The following AFF1 variants were observed in gnomAD, a reference collection of about 807,000 sequenced individuals.
The protein encoded by AFF1 is ALF transcription elongation factor 1.
AFF1 carries 48 observed loss-of-function variants against 121.7 expected under a neutral mutation model. The ratio of observed to expected loss-of-function variants is 0.39; its 90% confidence interval spans 0.31 to 0.50. The LOEUF (loss-of-function observed/expected upper bound fraction) is 0.50, where lower values mean the gene tolerates loss of function less well. Among genes scored for constraint, AFF1 ranks in the 20% least tolerant of loss-of-function variants. AFF1 has a pLI of 0.76. For missense variants in AFF1, 1,523 were observed against 1,511.7 expected (o/e 1.01, Z -0.12); for synonymous variants, 613 against 563.0 (o/e 1.09, Z -1.26).
rs1199274656 is a variant in AFF1, at chr4:87,056,620, CTT to C, written c.1059+9028_1059+9029del. Among the ~76,000 whole-genome samples, 9 of 152,156 alleles carry C rather than the reference CTT, an allele frequency of 5.9e-5. No individual in the cohort carries two copies. The East Asian group carries it at 1.4e-3, about 23-fold the overall frequency. ...CTTACAAAATGTTTTTTAAAAATAACTTTGTTTCTTTGTCATAGAAGGATTCA... is the reference window on the plus strand; with the variant it reads ...CTTACAAAATGTTTTTTAAAAATAACTGTTTCTTTGTCATAGAAGGATTCA... On this transcript the variant is annotated intron_variant, in intron 4 of 20. Coordinates refer to ENST00000395146, the MANE Select transcript of AFF1 (RefSeq NM_001166693.3).
intron 1 of AFF1, among the ~76,000 whole-genome samples, chr4:86,943,939 C>T (rs1234663175): frequency 2.1e-5 from 3 of 145,712 alleles, no homozygotes; most frequent in Non-Finnish European, 4.5e-5. Flanking sequence ...CCAGCCTGGG[C>T]AACAAGAACG....
intron 8 of AFF1, 103 bp from the exon 9 acceptor site, chr4:87,105,525 T>A (rs1725823044): frequency 7.8e-7 from 1 of 1,288,636 alleles, no homozygotes; most frequent in Non-Finnish European, 1.1e-6. Flanking sequence ...CTTACACATA[T>A]CCTCTCTCTT....
At chr4:87,094,138 TC>T (rs1290180140) in intron 7 of AFF1, among the ~76,000 whole-genome samples, 1 of 152,130 alleles carries the variant, frequency 6.6e-6, no homozygotes, top group Non-Finnish European at 1.5e-5. Context: ...ACCCTCTTCT[TC>T]TTGTTTGTTC....
chr4:86,949,121 T>C (rs1032822536), intron 2 of AFF1, among the ~76,000 whole-genome samples: 1 of 151,914 alleles, frequency 6.6e-6, no homozygotes, highest in Non-Finnish European at 1.5e-5. Context: ...GAAAGAATTG[T>C]TATCACTGAT....
intron 2 of AFF1, among the ~76,000 whole-genome samples, chr4:86,980,273 A>G (rs1438369433): frequency 2.0e-5 from 3 of 152,202 alleles, no homozygotes; most frequent in African/African-American, 7.2e-5. Flanking sequence ...AAGTCTATTC[A>G]TTACAAACTA....
rs1728782787 is a variant in AFF1, at chr4:87,131,073, TCTC to T, written c.2965-7_2965-5del. On this transcript the variant is annotated splice_region_variant and splice_polypyrimidine_tract_variant and intron_variant, in intron 16 of 20. Transcript: ENST00000395146. The stretch of plus-strand genomic sequence containing the variant: ...TTCAGCCTAACAATGACCATGTTCT[TCTC>T]CTGCAGACGGACAGGGTTGGAAAGG... 2.5e-5 allele frequency: 41 copies of T among 1,613,410 alleles called. No individual in the cohort carries two copies. The highest frequency in any genetic ancestry group is 3.1e-5 in the Non-Finnish European group (36 of 1,179,832).
chr4:87,019,131 CA>C (rs1459326722), intron 2 of AFF1, among the ~76,000 whole-genome samples: 1 of 152,178 alleles, frequency 6.6e-6, no homozygotes, highest in Non-Finnish European at 1.5e-5. Context: ...AAGGAAAACA[CA>C]GAAGTGGTGT....
At chr4:86,983,356 G>A (rs577449637) in intron 2 of AFF1, among the ~76,000 whole-genome samples, 54 of 152,012 alleles carry the variant, frequency 3.6e-4, no homozygotes, top group South Asian at 1.2e-3. Context: ...GAGAAACCTC[G>A]TCTCTACTAA....
chr4:86,969,405 G>C (rs536290246), intron 2 of AFF1, among the ~76,000 whole-genome samples: 2 of 151,944 alleles, frequency 1.3e-5, no homozygotes, highest in African/African-American at 4.8e-5. Context: ...CTTGAACCCA[G>C]GAGGCAGAGG....
intron 8 of AFF1, among the ~76,000 whole-genome samples, chr4:87,100,281 A>G (rs1725295274): frequency 6.6e-6 from 1 of 152,184 alleles, no homozygotes; most frequent in Non-Finnish European, 1.5e-5. Context: ...TTTCACAAGC[A>G]TATTAACATT....
intron 4 of AFF1, among the ~76,000 whole-genome samples, chr4:87,058,589 C>G (rs889436094): frequency 1.3e-5 from 2 of 152,036 alleles, no homozygotes; most frequent in African/African-American, 2.4e-5. Flanking sequence ...GTGTTCTCAA[C>G]TCCCCCACTC....
chr4:86,945,319 CTTTTTTTTTTT>C (rs72025655), intron 1 of AFF1, among the ~76,000 whole-genome samples: 31 of 111,674 alleles, frequency 2.8e-4, no homozygotes, highest in South Asian at 1.0e-3. Context: ...TTTTCTTTTC[CTTTTTTTTTTT>C]TTTTTTTTTT....
In AFF1 at chr4:87,138,653, A is replaced by ATTG. The variant is rs1243369760; in HGVS notation, c.*2953_*2954insTGT. ...ACACTTTACTAAAATTTATCAAATT[A>ATTG]TACTGGGTTCGGATTGTGAAAACAT... On this transcript the variant is annotated 3_prime_UTR_variant, in exon 21 of 21. Coordinates refer to ENST00000395146, the MANE Select transcript of AFF1 (RefSeq NM_001166693.3). 5 of 231,384 alleles carry ATTG rather than the reference A, an allele frequency of 2.2e-5. No homozygotes were observed. The highest frequency in any genetic ancestry group is 1.1e-4 in the African/African-American group (5 of 45,208). 14.3% of individuals were successfully genotyped at this position (231,384 alleles called of 1,614,324 possible). A position where few individuals can be genotyped will look rare whatever the true frequency, so the allele number is the denominator to read the frequency against.
intron 2 of AFF1, among the ~76,000 whole-genome samples, chr4:86,972,059 G>A (rs1407565128): frequency 6.9e-6 from 1 of 144,328 alleles, no homozygotes; most frequent in East Asian, 2.1e-4. Context: ...AATCACTTGA[G>A]CCCAGGAGGT....
chr4:86,994,739 A>G (rs1019400686), intron 2 of AFF1, among the ~76,000 whole-genome samples: 19 of 152,182 alleles, frequency 1.2e-4, no homozygotes, highest in Non-Finnish European at 1.9e-4. Flanking sequence ...TAGAGTTTAG[A>G]TAATGGTAAG....
At chr4:86,943,370 CAG>C (rs1430831516) in intron 1 of AFF1, among the ~76,000 whole-genome samples, 1 of 152,172 alleles carries the variant, frequency 6.6e-6, no homozygotes, top group African/African-American at 2.4e-5. Context: ...CAGACTAAAA[CAG>C]AATGTATGTC....
intron 18 of AFF1, among the ~76,000 whole-genome samples, 170 bp downstream of exon 18, chr4:87,132,034 G>A (rs1423779477): frequency 6.6e-6 from 1 of 152,178 alleles, no homozygotes; most frequent in East Asian, 1.9e-4. Flanking sequence ...AATGGTATCT[G>A]CTGCCATTTT....
intron 2 of AFF1, among the ~76,000 whole-genome samples, chr4:86,949,125 C>T (rs1452961540): frequency 6.6e-6 from 1 of 151,618 alleles, no homozygotes; most frequent in Non-Finnish European, 1.5e-5. Flanking sequence ...GAATTGTTAT[C>T]ACTGATTAGT....
At position 87,099,474 on chromosome 4, in the gene AFF1, AC is replaced by A. The variant is rs1381758595; in HGVS notation, c.1283+4507del. 4.6e-5 allele frequency among the ~76,000 whole-genome samples: 7 copies of A among 151,216 alleles called. No homozygotes were observed. The East Asian group carries it at 1.4e-3, about 29-fold the overall frequency. On this transcript the variant is annotated intron_variant, in intron 8 of 20. Transcript: ENST00000395146. ...ACCCAGGCTGGAGTGCAGTGGGGTG[AC>A]CTCGGTTACTGCAACCTCCACCTTC...
Sources: gnomAD v4.1 joint callset for allele counts (sites outside exome capture counted in the v4.1 genomes callset) on GRCh38, gnomAD v4.1.1 for gene constraint, MANE v1.5 for transcripts, NCBI Gene and HGNC (gene_info 2026-07-23, HGNC 2026-07-21) for gene names.